Variants in TLN2 observed in about 807,000 individuals in gnomAD.
TLN2 encodes talin 2.
TLN2 carries 118 observed loss-of-function variants against 294.7 expected under a neutral mutation model. The ratio of observed to expected loss-of-function variants is 0.40; its 90% confidence interval spans 0.34 to 0.47. The LOEUF (loss-of-function observed/expected upper bound fraction) is 0.47, where lower values mean the gene tolerates loss of function less well. Among genes scored for constraint, TLN2 ranks in the 20% least tolerant of loss-of-function variants. The pLI, the probability that TLN2 is intolerant of heterozygous loss-of-function variation, is 0.84. For missense variants in TLN2, 3,083 were observed against 3,282.2 expected, an observed-to-expected ratio of 0.94 and a Z score of 1.48; for synonymous variants, 1,431 against 1,304.5, an observed-to-expected ratio of 1.10 and a Z score of -2.09.
At chr15:62,713,454 G>A (rs1007323620) in intron 22 of TLN2, among the ~76,000 whole-genome samples, 6 of 151,980 alleles carry the variant, frequency 3.9e-5, no homozygotes, top group African/African-American at 1.2e-4. Flanking sequence ...CGAGGTGGGC[G>A]GATTACCTGA....
intron 25 of TLN2, among the ~76,000 whole-genome samples, chr15:62,722,008 G>A (rs1375862600): frequency 6.6e-6 from 1 of 152,150 alleles, no homozygotes; most frequent in African/African-American, 2.4e-5. Flanking sequence ...GTGTACGTGA[G>A]ACTCAGAATA....
At chr15:62,837,059 T>TGTAA (rs772774890) in intron 57 of TLN2, among the ~76,000 whole-genome samples, 4 of 152,250 alleles carry the variant, frequency 2.6e-5, no homozygotes, top group African/African-American at 7.2e-5. Context: ...ATTTTTTTAT[T>TGTAA]GTAAGTGTTA....
At chr15:62,595,293 G>T (rs186754166) in intron 2 of TLN2, among the ~76,000 whole-genome samples, 1 of 151,726 alleles carries the variant, frequency 6.6e-6, no homozygotes, top group Non-Finnish European at 1.5e-5. Context: ...GGTGGTGGGC[G>T]CCTGTAATCC....
At chr15:62,611,168 A>G (rs559172698) in intron 2 of TLN2, among the ~76,000 whole-genome samples, 2 of 152,316 alleles carry the variant, frequency 1.3e-5, no homozygotes, top group East Asian at 1.9e-4. Flanking sequence ...ACATATTTAT[A>G]AAGCCTCTTT....
intron 1 of TLN2, among the ~76,000 whole-genome samples, chr15:62,457,683 G>T (rs771415810): frequency 2.0e-5 from 3 of 152,300 alleles, no homozygotes; most frequent in Non-Finnish European, 1.5e-5. Flanking sequence ...ATAAAGCCAC[G>T]GCCAGCAGAG....
intron 55 of TLN2, chr15:62,835,489 A>G (rs1228406311): frequency 5.3e-6 from 3 of 566,022 alleles, no homozygotes; most frequent in Non-Finnish European, 6.3e-6. Flanking sequence ...CCTGGAAGCT[A>G]AGTGGAGCCA....
chr15:62,810,105 C>G, intron 52 of TLN2, 73 bp downstream of exon 52: 4 of 1,294,852 alleles, frequency 3.1e-6, no homozygotes, highest in Non-Finnish European at 4.4e-6. Flanking sequence ...TCAAACTATG[C>G]TTTCCTTGGG....
At chr15:62,724,826 T>C in intron 26 of TLN2, 150 bp from the exon 27 acceptor site, 1 of 1,001,760 alleles carries the variant, frequency 1.0e-6, no homozygotes, top group Non-Finnish European at 1.4e-6. Context: ...GATTTTGTTC[T>C]CTCAGAAAAA....
chr15:62,662,348 C>G (rs2053944853), intron 9 of TLN2, among the ~76,000 whole-genome samples: 1 of 152,086 alleles, frequency 6.6e-6, no homozygotes, highest in South Asian at 2.1e-4. Flanking sequence ...CAAAAAACAA[C>G]AAACACTAGG....
In TLN2 at chr15:62,699,583, A is replaced by T. The variant is rs71393110; in HGVS notation, c.1587+716A>T. 5.2e-3 allele frequency among the ~76,000 whole-genome samples: 784 copies of T among 152,098 alleles called. 3 individuals are homozygous for T. The highest frequency in any genetic ancestry group is 8.1e-3 in the Non-Finnish European group (553 of 67,988). ...GCTGCATGAAATCTTCCAACTCCTC[A>T]CTGCTCAAATCGTGGTCCCAGGACC... On this transcript the variant is annotated intron_variant, in intron 16 of 58. Transcript: ENST00000636159.
chr15:62,653,717 A>G (rs1180414872), intron 7 of TLN2, among the ~76,000 whole-genome samples: 4 of 147,870 alleles, frequency 2.7e-5, no homozygotes, highest in African/African-American at 9.9e-5. Context: ...ACAGAGTGAG[A>G]CTCGGTCTCA....
At position 62,766,344 on chromosome 15, in the gene TLN2, G is replaced by A. The variant is rs749958056; in HGVS notation, c.5118G>A (p.Ser1706=). The A allele has an allele frequency of 3.2e-5, 51 of 1,613,078 alleles. 1 individual carries two copies. The highest frequency in any genetic ancestry group is 4.5e-5 in the East Asian group (2 of 44,848). ...SVEALQEQLT[S]VVQEIGHLID... is the part of the protein sequence containing the mutation. ...AGGCCCTGCAGGAGCAGCTGACTTC[G>A]GTGGTCCAGGAAATCGGACACCTTA... The change falls in exon 41 of 59, where the codon TCG becomes TCA. Residue 1706 remains serine (S), a synonymous_variant. Transcript: ENST00000636159.
rs56279063 is a variant in TLN2 at position 62,574,579 on chromosome 15, C to CAAAAAAAAAA, written c.-237-15077_-237-15068dup. On this transcript the variant is annotated intron_variant, in intron 1 of 58. Transcript: ENST00000636159. ...TGGGCAACAGGATGAGACCCTGTCT[C>CAAAAAAAAAA]AAAAAAAAAAAAAAAAAAAAAAAAA... Among the ~76,000 whole-genome samples the CAAAAAAAAAA allele has an allele frequency of 2.5e-3, 115 of 46,484 alleles. 17 individuals carry two copies. Among genetic ancestry groups the CAAAAAAAAAA allele is most frequent in the Middle Eastern group, 0.014 (1 of 72 alleles). The allele number at this position is 46,484 out of a possible 152,430, so 30.5% of individuals were successfully genotyped here.
At chr15:62,684,178 A>C (rs1237957971) in intron 11 of TLN2, 1 of 152,292 alleles carries the variant, frequency 6.6e-6, no homozygotes, top group Non-Finnish European at 1.5e-5. Flanking sequence ...GATCTTGACA[A>C]GAATTAGGGC....
intron 1 of TLN2, among the ~76,000 whole-genome samples, chr15:62,565,747 A>C (rs1053081685): frequency 6.6e-6 from 1 of 152,212 alleles, no homozygotes; most frequent in East Asian, 1.9e-4. Flanking sequence ...AATGTGTGCT[A>C]TGTGCAGCAG....
rs985529655 is a variant in TLN2 at position 62,753,758 on chromosome 15, C to A, written c.4333-15C>A. 3.8e-6 allele frequency: 6 copies of A among 1,591,918 alleles called. No individual in the cohort carries two copies. The highest frequency in any genetic ancestry group is 1.8e-4 in the Middle Eastern group (1 of 5,528). On this transcript the variant is annotated splice_polypyrimidine_tract_variant and intron_variant, in intron 35 of 58. Transcript: ENST00000636159. ...GCACGGAGCCTGAGCTGTGGTTTTT[C>A]TCTTCCCTTTCTAGGCTGCATACTT...
chr15:62,722,043 G>A lies in TLN2; in HGVS notation c.2992-310G>A, dbSNP rs143994245. Among the ~76,000 whole-genome samples the A allele has an allele frequency of 5.5e-4, 84 of 152,248 alleles. 1 individual carries two copies. Among genetic ancestry groups the A allele is most frequent in the African/African-American group, 1.8e-3 (76 of 41,538 alleles). On this transcript the variant is annotated intron_variant, in intron 25 of 58. Transcript: ENST00000636159. The stretch of plus-strand genomic sequence containing the variant: ...AAAGAGCTATTCTGAGAAATACAGT[G>A]AAACCTATTTAATAAGGAACTCTCT...
At chr15:62,602,529 G>C (rs1488535099) in intron 2 of TLN2, among the ~76,000 whole-genome samples, 1 of 152,014 alleles carries the variant, frequency 6.6e-6, no homozygotes, top group Non-Finnish European at 1.5e-5. Context: ...TAGTCCATTT[G>C]GGCTGCTATA....
At chr15:62,653,386 A>G (rs560534949) in intron 7 of TLN2, 72 bp downstream of exon 7, 3 of 1,525,064 alleles carry the variant, frequency 2.0e-6, no homozygotes, top group South Asian at 1.3e-5. Context: ...CCCACCATCC[A>G]TATGACCCAG....
Sources: gnomAD v4.1 joint callset for allele counts (sites outside exome capture counted in the v4.1 genomes callset) on GRCh38, gnomAD v4.1.1 for gene constraint, MANE v1.5 for transcripts, NCBI Gene and HGNC (gene_info 2026-07-23, HGNC 2026-07-21) for gene names.